The following SNX29 variants were observed in gnomAD, a reference collection of about 807,000 sequenced individuals.
The protein encoded by SNX29 is sorting nexin 29, also known as sorting nexin-29.
Under a neutral mutation model 102.1 loss-of-function variants are expected in SNX29, and 78 were observed. The ratio of observed to expected loss-of-function variants is 0.76; its 90% CI spans 0.64 to 0.92. SNX29 has a LOEUF of 0.92. Ranked by LOEUF, SNX29 falls within the 40% of genes least tolerant of loss-of-function variation. SNX29 has a pLI of 0.00. For synonymous variants in SNX29, 580 were observed against 414.5 expected (o/e 1.40, Z -4.85); for missense variants, 1,280 against 1,061.7 (o/e 1.21, Z -2.86).
intron 15 of SNX29, among the ~76,000 whole-genome samples, chr16:12,325,986 C>T (rs2081102966): frequency 6.6e-6 from 1 of 151,912 alleles, no homozygotes; most frequent in Non-Finnish European, 1.5e-5. Context: ...GCTGTAATCA[C>T]ACACTGCATT....
chr16:12,008,033 TC>T (rs2056515926), intron 3 of SNX29, among the ~76,000 whole-genome samples: 1 of 152,148 alleles, frequency 6.6e-6, no homozygotes, highest in African/African-American at 2.4e-5. Flanking sequence ...AAGCTCTGCC[TC>T]CCAGGTTCAC....
At chr16:12,550,066 A>AC (rs1458925137) in intron 20 of SNX29, among the ~76,000 whole-genome samples, 3 of 152,156 alleles carry the variant, frequency 2.0e-5, no homozygotes, top group Non-Finnish European at 2.9e-5. Flanking sequence ...GTTTAGTCTC[A>AC]CCCTTTATAG....
chr16:12,358,485 C>A (rs1445735879), intron 16 of SNX29, among the ~76,000 whole-genome samples: 1 of 152,210 alleles, frequency 6.6e-6, no homozygotes, highest in African/African-American at 2.4e-5. Flanking sequence ...ATGAGAATTG[C>A]TTGAACCCAG....
chr16:12,351,461 T>C (rs1390322420), intron 15 of SNX29, among the ~76,000 whole-genome samples: 3 of 152,164 alleles, frequency 2.0e-5, no homozygotes, highest in African/African-American at 7.2e-5. Context: ...TTGGGGGGTG[T>C]CTTGATCTAA....
chr16:11,983,775 A>G (rs12922317), intron 1 of SNX29: 283,032 of 882,744 alleles, frequency 0.32, 46,866 homozygotes, highest in East Asian at 0.64. Context: ...AAGATTTTAT[A>G]GATTTCTCCA....
At chr16:12,383,433 C>CT (rs1395076578) in intron 16 of SNX29, among the ~76,000 whole-genome samples, 2 of 151,962 alleles carry the variant, frequency 1.3e-5, no homozygotes. Context: ...GAGTCACTTT[C>CT]TTTTTTTTCT....
chr16:12,458,531 TAGAC>T (rs2086633072), intron 18 of SNX29, among the ~76,000 whole-genome samples: 2 of 152,302 alleles, frequency 1.3e-5, no homozygotes, highest in African/African-American at 2.4e-5. Flanking sequence ...ATTTTGTTGT[TAGAC>T]AGCTATCACT....
In SNX29 at chr16:12,042,912, A is replaced by G. The variant is rs1247830835; in HGVS notation, c.263A>G (p.Tyr88Cys). The G allele has an allele frequency of 6.2e-7, 1 of 1,611,418 alleles. No homozygotes were observed. Among genetic ancestry groups the G allele is most frequent in the South Asian group, 1.1e-5 (1 of 90,886 alleles). ...SKTETEPVFW[Y>C]YVKEVLNKHE... The stretch of plus-strand genomic sequence containing the variant: ...CTCTCCGTAGAGCCCGTGTTCTGGT[A>G]CTACGTGAAGGAGGTCCTCAACAAG... The change falls in exon 5 of 21, where the codon TAC becomes TGC. Residue 88 changes from tyrosine to cysteine, a missense_variant. Coordinates refer to ENST00000566228, the MANE Select transcript of SNX29 (RefSeq NM_032167.5).
intron 14 of SNX29, among the ~76,000 whole-genome samples, chr16:12,219,934 ACACACGTGCACGTGCACG>A (rs1439285823): frequency 1.8e-4 from 28 of 152,282 alleles, no homozygotes; most frequent in Admixed American, 5.2e-4. Flanking sequence ...ACACGTGTAC[ACACACGTGCACGTGCACG>A]CACACACACC....
At chr16:12,530,897 G>C (rs1425310270) in intron 20 of SNX29, among the ~76,000 whole-genome samples, 1 of 152,104 alleles carries the variant, frequency 6.6e-6, no homozygotes, top group Non-Finnish European at 1.5e-5. Context: ...CCTTCTGAAA[G>C]GTAATAGTAT....
chr16:12,543,083 C>G (rs146510694), intron 20 of SNX29, among the ~76,000 whole-genome samples: 2 of 152,216 alleles, frequency 1.3e-5, no homozygotes, highest in Non-Finnish European at 1.5e-5. Flanking sequence ...CAAGCATGTT[C>G]TGTCTGGTGG....
At chr16:12,411,771 G>A (rs374296919) in intron 18 of SNX29, among the ~76,000 whole-genome samples, 38 of 152,214 alleles carry the variant, frequency 2.5e-4, no homozygotes, top group African/African-American at 7.9e-4. Flanking sequence ...GAGGAGGGAC[G>A]GGACACCACT....
At chr16:12,420,868 G>A (rs1458743384) in intron 18 of SNX29, among the ~76,000 whole-genome samples, 2 of 152,182 alleles carry the variant, frequency 1.3e-5, no homozygotes, top group African/African-American at 2.4e-5. Flanking sequence ...AGTGATGAGC[G>A]AGGGAAGGAG....
intron 19 of SNX29, among the ~76,000 whole-genome samples, chr16:12,520,800 T>C (rs75044069): frequency 0.04 from 6,113 of 151,712 alleles, 266 homozygotes; most frequent in East Asian, 0.098. Flanking sequence ...GACTCAGGCG[T>C]GGGGGAGGTT....
rs112425539 is a variant in SNX29, at chr16:12,445,239, A to G, written c.2038-32480A>G. Among the ~76,000 whole-genome samples, 316 of 152,292 alleles carry G rather than the reference A, an allele frequency of 2.1e-3. 1 individual carries two copies. Among genetic ancestry groups the G allele is most frequent in the Middle Eastern group, 6.8e-3 (2 of 294 alleles). On this transcript the variant is annotated intron_variant, in intron 18 of 20. Transcript: ENST00000566228. ...TAATGTCTGTGGCTGCTTTTATACA[A>G]CAAAGACAAAGGTGAGTCTTTAGGA... is the stretch of plus-strand genomic sequence containing the variant.
intron 20 of SNX29, among the ~76,000 whole-genome samples, chr16:12,540,665 C>A (rs1411007859): frequency 6.6e-6 from 1 of 152,192 alleles, no homozygotes; most frequent in Non-Finnish European, 1.5e-5. Flanking sequence ...TGAATGTAAC[C>A]ACAGCTGCTG....
At chr16:12,383,343 A>T (rs1047508840) in intron 16 of SNX29, among the ~76,000 whole-genome samples, 9 of 152,230 alleles carry the variant, frequency 5.9e-5, no homozygotes, top group Admixed American at 2.0e-4. Context: ...AATATTATTT[A>T]AAAAAGCATC....
rs568281736 is a variant in SNX29 at position 12,497,089 on chromosome 16, C to T, written c.2178+19230C>T. On this transcript the variant is annotated intron_variant, in intron 19 of 20. Transcript: ENST00000566228. ...CCCTGGACTTTCTCAGCAGTCGGGACCTGCCCTCCCTGTTATCTCCAGGAC... is the reference window on the plus strand; with the variant it reads ...CCCTGGACTTTCTCAGCAGTCGGGATCTGCCCTCCCTGTTATCTCCAGGAC... 6.6e-4 allele frequency among the ~76,000 whole-genome samples: 100 copies of T among 152,136 alleles called. 2 individuals carry two copies. The highest frequency in any genetic ancestry group is 5.7e-4 in the Non-Finnish European group (39 of 68,030).
chr16:12,097,699 G>T (rs1376856546), intron 11 of SNX29, among the ~76,000 whole-genome samples: 3 of 152,200 alleles, frequency 2.0e-5, no homozygotes, highest in African/African-American at 7.2e-5. Flanking sequence ...TGGTCTGGAG[G>T]TTTCTAGCCG....
Sources: gnomAD v4.1 joint callset for allele counts (sites outside exome capture counted in the v4.1 genomes callset) on GRCh38, gnomAD v4.1.1 for gene constraint, MANE v1.5 for transcripts, NCBI Gene and HGNC (gene_info 2026-07-23, HGNC 2026-07-21) for gene names.